Variants in DAB1 observed in about 807,000 individuals in gnomAD.
The protein encoded by DAB1 is disabled homolog 1.
Under a neutral mutation model 64.6 loss-of-function variants are expected in DAB1, and 15 were observed. The ratio of observed to expected loss-of-function variants is 0.23; its 90% CI spans 0.16 to 0.36. The LOEUF is 0.36. DAB1 is among the 10% of genes least tolerant of loss of function. The probability of loss-of-function intolerance (pLI) is 1.00; values close to 1 mark genes in which losing one functional copy is unlikely to be tolerated. For missense variants in DAB1, 596 were observed against 706.7 expected, an observed-to-expected ratio of 0.84 and a Z score of 1.78; for synonymous variants, 235 against 251.9, an observed-to-expected ratio of 0.93 and a Z score of 0.64.
chr1:57,096,441 T>G (rs537269614), intron 4 of DAB1, among the ~76,000 whole-genome samples: 3 of 152,302 alleles, frequency 2.0e-5, no homozygotes, highest in Admixed American at 2.0e-4. Flanking sequence ...GAAGAAAAAT[T>G]AAATTCAGCA....
At chr1:57,974,891 C>T (rs899692011) in intron 5 of DAB1, among the ~76,000 whole-genome samples, 1 of 152,060 alleles carries the variant, frequency 6.6e-6, no homozygotes, top group Non-Finnish European at 1.5e-5. Context: ...ACTGCCATTT[C>T]CTGAGTGTCT....
intron 6 of DAB1, among the ~76,000 whole-genome samples, chr1:57,808,310 T>A (rs546850784): frequency 1.3e-5 from 2 of 152,282 alleles, no homozygotes; most frequent in Admixed American, 6.5e-5. Context: ...ATTCTTTGAA[T>A]CTTAGCCCTA....
intron 7 of DAB1, among the ~76,000 whole-genome samples, chr1:57,456,775 A>T (rs1686610369): frequency 1.3e-5 from 2 of 152,140 alleles, no homozygotes; most frequent in Admixed American, 6.6e-5. Flanking sequence ...TCTAAGAAAG[A>T]TGCTTCTTCT....
intron 1 of DAB1, among the ~76,000 whole-genome samples, chr1:57,363,136 C>CA (rs1159364555): frequency 6.6e-6 from 1 of 152,144 alleles, no homozygotes; most frequent in Non-Finnish European, 1.5e-5. Context: ...TCTTCATAGG[C>CA]AAATGGATCT....
At chr1:57,285,881 G>T (rs532598192) in intron 2 of DAB1, among the ~76,000 whole-genome samples, 96 of 152,046 alleles carry the variant, frequency 6.3e-4, no homozygotes, top group Non-Finnish European at 6.6e-4. Flanking sequence ...GCCCTAATAC[G>T]GAGATTACAA....
At chr1:57,690,485 G>A (rs936968286) in intron 6 of DAB1, among the ~76,000 whole-genome samples, 3 of 152,110 alleles carry the variant, frequency 2.0e-5, no homozygotes, top group African/African-American at 4.8e-5. Context: ...TCTAAGACAT[G>A]CCTGCTTTCC....
chr1:58,126,819 T>G (rs535247210), intron 5 of DAB1, among the ~76,000 whole-genome samples: 264 of 151,096 alleles, frequency 1.7e-3, no homozygotes, highest in Middle Eastern at 3.4e-3. Context: ...TAGTATTCCA[T>G]GGTGTATATG....
At chr1:57,530,227 T>G (rs1644645418) in intron 7 of DAB1, among the ~76,000 whole-genome samples, 1 of 152,242 alleles carries the variant, frequency 6.6e-6, no homozygotes. Context: ...ATCTCATTGC[T>G]ATCTTTGATA....
chr1:58,076,921 T>A (rs1026348727), intron 5 of DAB1, among the ~76,000 whole-genome samples: 5 of 152,018 alleles, frequency 3.3e-5, no homozygotes, highest in South Asian at 2.1e-4. Flanking sequence ...TCTTCCTGGG[T>A]CATCTTCATC....
intron 6 of DAB1, among the ~76,000 whole-genome samples, chr1:57,807,040 C>A (rs994499231): frequency 6.6e-6 from 1 of 152,134 alleles, no homozygotes; most frequent in African/African-American, 2.4e-5. Flanking sequence ...GTGCTCTCCC[C>A]GACTGGCATG....
At chr1:57,390,982 G>C (rs1297991800) in intron 1 of DAB1, among the ~76,000 whole-genome samples, 1 of 152,132 alleles carries the variant, frequency 6.6e-6, no homozygotes, top group African/African-American at 2.4e-5. Context: ...CCCACAAATA[G>C]TTTAAGTTCT....
intron 2 of DAB1, among the ~76,000 whole-genome samples, chr1:58,513,168 G>C (rs528808700): frequency 6.6e-6 from 1 of 152,222 alleles, no homozygotes; most frequent in Non-Finnish European, 1.5e-5. Flanking sequence ...TGCTGTTCTC[G>C]TGATACTGAG....
chr1:57,180,137 T>G (rs903196792), intron 2 of DAB1, among the ~76,000 whole-genome samples: 2 of 152,148 alleles, frequency 1.3e-5, no homozygotes, highest in Admixed American at 1.3e-4. Flanking sequence ...GTTTGCAAAC[T>G]TGCTTTGGAA....
At chr1:57,713,746 G>C (rs1338993387) in intron 6 of DAB1, among the ~76,000 whole-genome samples, 1 of 152,182 alleles carries the variant, frequency 6.6e-6, no homozygotes, top group Non-Finnish European at 1.5e-5. Context: ...TTGGATCAGA[G>C]TATGGATGTT....
intron 2 of DAB1, among the ~76,000 whole-genome samples, chr1:57,209,171 G>A (rs1220500691): frequency 6.6e-6 from 1 of 152,194 alleles, no homozygotes; most frequent in Non-Finnish European, 1.5e-5. Flanking sequence ...ATAAACTGAG[G>A]GGATGGGAGG....
intron 3 of DAB1, among the ~76,000 whole-genome samples, chr1:58,371,857 G>A (rs1644266606): frequency 6.6e-6 from 1 of 152,170 alleles, no homozygotes; most frequent in Non-Finnish European, 1.5e-5. Flanking sequence ...GCCTGCAGGT[G>A]GGCAAAAGAC....
intron 6 of DAB1, among the ~76,000 whole-genome samples, chr1:57,709,405 A>C (rs1647001678): frequency 1.3e-5 from 2 of 152,076 alleles, no homozygotes; most frequent in African/African-American, 2.4e-5. Flanking sequence ...ATTCCCATTT[A>C]TGATTTTATT....
intron 9 of DAB1, among the ~76,000 whole-genome samples, chr1:57,037,634 T>C (rs534507968): frequency 1.3e-5 from 2 of 152,384 alleles, no homozygotes; most frequent in East Asian, 3.9e-4. Context: ...CATGTTACAT[T>C]TCCCTAATGA....
chr1:57,400,778 T>C (rs781576167), intron 1 of DAB1, among the ~76,000 whole-genome samples: 50 of 152,066 alleles, frequency 3.3e-4, no homozygotes, highest in Non-Finnish European at 5.9e-4. Context: ...TCTAGACACA[T>C]TACACAAGTC....
Sources: allele counts gnomAD v4.1 joint callset (sites outside exome capture counted in the v4.1 genomes callset), GRCh38; gene constraint gnomAD v4.1.1; transcripts MANE v1.5; gene names NCBI Gene and HGNC (gene_info 2026-07-23, HGNC 2026-07-21).